Variants in DPY19L2 observed in about 807,000 individuals in gnomAD.
The protein encoded by DPY19L2 is dpy-19 like 2, also known as probable C-mannosyltransferase DPY19L2.
DPY19L2 carries 34 observed loss-of-function variants against 97.9 expected under a neutral mutation model. The observed-to-expected ratio is 0.35, with a 90% CI of 0.26 to 0.46. The LOEUF (loss-of-function observed/expected upper bound fraction) is 0.46. DPY19L2 is among the 20% of genes least tolerant of loss of function. The probability of loss-of-function intolerance (pLI) is 1.00; values close to 1 mark genes in which losing one functional copy is unlikely to be tolerated. For missense variants in DPY19L2, 623 were observed against 911.4 expected (o/e 0.68, Z 4.07); for synonymous variants, 230 against 307.9 (o/e 0.75, Z 2.65).
At chr12:63,612,966 T>A (rs999820092) in intron 11 of DPY19L2, among the ~76,000 whole-genome samples, 12 of 152,040 alleles carry the variant, frequency 7.9e-5, no homozygotes, top group African/African-American at 2.9e-4. Context: ...CAAGAGGAAA[T>A]GGATAACACG....
chr12:63,657,689 T>C (rs61935162), intron 4 of DPY19L2, among the ~76,000 whole-genome samples: 17,089 of 151,988 alleles, frequency 0.11, 1,086 homozygotes, highest in East Asian at 0.28. Context: ...TTTCACAACA[T>C]GGGTGTGAGC....
At chr12:63,579,695 T>C (rs1315735157) in intron 19 of DPY19L2, among the ~76,000 whole-genome samples, 1 of 152,138 alleles carries the variant, frequency 6.6e-6, no homozygotes, top group Non-Finnish European at 1.5e-5. Flanking sequence ...CTTGAGCTCC[T>C]ATGTGGAAAA....
chr12:63,650,553 G>A (rs1246975474), intron 4 of DPY19L2, among the ~76,000 whole-genome samples: 1 of 151,978 alleles, frequency 6.6e-6, no homozygotes, highest in Non-Finnish European at 1.5e-5. Context: ...GCCAAATCAA[G>A]AATGCAATCT....
intron 21 of DPY19L2, among the ~76,000 whole-genome samples, chr12:63,567,657 C>A (rs1348692270): frequency 6.6e-6 from 1 of 152,038 alleles, no homozygotes; most frequent in African/African-American, 2.4e-5. Flanking sequence ...GGCATCATTT[C>A]TCAGCAGCTG....
At chr12:63,567,830 A>G (rs1048801331) in intron 21 of DPY19L2, among the ~76,000 whole-genome samples, 9 of 152,078 alleles carry the variant, frequency 5.9e-5, no homozygotes, top group Admixed American at 3.9e-4. Flanking sequence ...TAATCATTCC[A>G]GTGTCTGATA....
chr12:63,598,237 A>C (rs1393282774), intron 13 of DPY19L2, among the ~76,000 whole-genome samples: 1 of 152,162 alleles, frequency 6.6e-6, no homozygotes, highest in Non-Finnish European at 1.5e-5. Context: ...TTTTATAATA[A>C]GACAATTTAT....
intron 11 of DPY19L2, among the ~76,000 whole-genome samples, chr12:63,616,976 C>T (rs1190646068): frequency 6.6e-6 from 1 of 152,112 alleles, no homozygotes. Flanking sequence ...TGGGCAATGG[C>T]AGTGTCACTG....
intron 18 of DPY19L2, among the ~76,000 whole-genome samples, chr12:63,581,298 T>A (rs1880848570): frequency 6.6e-6 from 1 of 152,036 alleles, no homozygotes; most frequent in Non-Finnish European, 1.5e-5. Flanking sequence ...TTTGTAGAAG[T>A]ACCTTAGGCC....
intron 6 of DPY19L2, among the ~76,000 whole-genome samples, chr12:63,637,087 C>G (rs1344772614): frequency 1.3e-5 from 2 of 152,152 alleles, no homozygotes; most frequent in East Asian, 3.8e-4. Context: ...CAAACTGTCT[C>G]TCAGATCATA....
At chr12:63,635,660 T>C (rs1229894645) in intron 6 of DPY19L2, among the ~76,000 whole-genome samples, 1 of 152,124 alleles carries the variant, frequency 6.6e-6, no homozygotes, top group Non-Finnish European at 1.5e-5. Context: ...CAGTAGCCGA[T>C]TTGATCAAGT....
chr12:63,592,607 T>C lies in DPY19L2; in HGVS notation c.1580+1480A>G, dbSNP rs1332814789. On this transcript the variant is annotated intron_variant, in intron 16 of 21. Transcript: ENST00000324472. ...CCATATGTAGAAAGCTGAAACTGGATCCCTTCCTTACACCTTATACAAAAA... is the reference window on the plus strand; with the variant it reads ...CCATATGTAGAAAGCTGAAACTGGACCCCTTCCTTACACCTTATACAAAAA... Among the ~76,000 whole-genome samples, 849 of 148,658 alleles carry C rather than the reference T, an allele frequency of 5.7e-3. 5 individuals are homozygous for C. The highest frequency in any genetic ancestry group is 9.0e-3 in the Non-Finnish European group (604 of 66,800).
upstream of DPY19L2, chr12:63,668,727 C>A (rs557082003): frequency 2.8e-4 from 93 of 335,174 alleles, 1 homozygote; most frequent in African/African-American, 1.8e-3. Flanking sequence ...CCGGTGCGCG[C>A]AGGCCCCAAG....
chr12:63,649,991 T>G (rs1356609461), intron 4 of DPY19L2, among the ~76,000 whole-genome samples: 1 of 152,122 alleles, frequency 6.6e-6, no homozygotes, highest in South Asian at 2.1e-4. Context: ...GTAGGCTTTA[T>G]TCCTAGGATG....
At chr12:63,648,561 G>A (rs1893752749) in intron 4 of DPY19L2, among the ~76,000 whole-genome samples, 1 of 151,844 alleles carries the variant, frequency 6.6e-6, no homozygotes, top group South Asian at 2.1e-4. Flanking sequence ...CCAAGTAGCT[G>A]GGATTACAAG....
intron 16 of DPY19L2, 30 bp downstream of exon 16, chr12:63,594,057 A>G: frequency 7.1e-7 from 1 of 1,402,048 alleles, no homozygotes; most frequent in Non-Finnish European, 9.9e-7. Flanking sequence ...GGAATACTGT[A>G]TGTTTTAAAA....
At chr12:63,582,373 T>G in intron 18 of DPY19L2, 33 bp downstream of exon 18, 1 of 1,597,700 alleles carries the variant, frequency 6.3e-7, no homozygotes, top group South Asian at 1.1e-5. Context: ...CTATAGTTTT[T>G]ATAGTATTGT....
Position 63,560,457 on chromosome 12 carries a change from G to A in DPY19L2, c.*55C>T. On this transcript the variant is annotated 3_prime_UTR_variant, in exon 22 of 22. Transcript: ENST00000324472. ...TTTTATTAATGTGAATAAGCCAAAG[G>A]GTGATTGTTTTTGACACACGGCATT... 3 of 1,573,424 alleles carry A rather than the reference G, an allele frequency of 1.9e-6. No homozygotes were observed. Among genetic ancestry groups the A allele is most frequent in the Non-Finnish European group, 2.6e-6 (3 of 1,155,700 alleles).
rs187345596 is a variant in DPY19L2, at chr12:63,622,780, G to C, written c.953+1260C>G. Reference sequence around the variant, plus strand: ...GCCTCTACTAAAAATACAAAAATTAGCTGGGGATGGTGGCGTGCACCTGTA... The same window carrying C: ...GCCTCTACTAAAAATACAAAAATTACCTGGGGATGGTGGCGTGCACCTGTA... On this transcript the variant is annotated intron_variant, in intron 8 of 21. Coordinates refer to ENST00000324472, the MANE Select transcript of DPY19L2 (RefSeq NM_173812.5). 6.5e-3 allele frequency among the ~76,000 whole-genome samples: 993 copies of C among 152,150 alleles called. 10 individuals are homozygous for C. Among genetic ancestry groups the C allele is most frequent in the African/African-American group, 0.023 (939 of 41,494 alleles).
intron 19 of DPY19L2, among the ~76,000 whole-genome samples, chr12:63,573,764 C>T (rs749542872): frequency 5.3e-5 from 8 of 152,004 alleles, no homozygotes; most frequent in Non-Finnish European, 1.2e-4. Context: ...CCTTACAGGC[C>T]AGGAGAGCAT....
Sources: allele counts gnomAD v4.1 joint callset (sites outside exome capture counted in the v4.1 genomes callset), GRCh38; gene constraint gnomAD v4.1.1; transcripts MANE v1.5; gene names NCBI Gene and HGNC (gene_info 2026-07-23, HGNC 2026-07-21).